Variants in SYNE2 observed in about 807,000 individuals in gnomAD.
SYNE2 encodes spectrin repeat containing nuclear envelope protein 2.
In SYNE2, 431 loss-of-function variants were observed where a neutral mutation model predicts 856.3. The ratio of observed to expected loss-of-function variants is 0.50; its 90% CI spans 0.47 to 0.55. The LOEUF is 0.55. Ranked by LOEUF, SYNE2 falls within the 20% of genes least tolerant of loss-of-function variation. The pLI, the probability that SYNE2 is intolerant of heterozygous loss-of-function variation, is 0.00. For missense variants in SYNE2, 8,129 were observed against 8,023.2 expected (o/e 1.01, Z -0.50); for synonymous variants, 2,923 against 2,872.3 (o/e 1.02, Z -0.56).
intron 32 of SYNE2, among the ~76,000 whole-genome samples, chr14:64,015,769 G>C (rs1436208232): frequency 6.6e-6 from 1 of 151,714 alleles, no homozygotes; most frequent in African/African-American, 2.4e-5. Flanking sequence ...TTCTTGAAGT[G>C]GTCATTTAGA....
chr14:64,033,522 A>G (rs1216200822), intron 45 of SYNE2, among the ~76,000 whole-genome samples: 2 of 151,712 alleles, frequency 1.3e-5, no homozygotes, highest in Admixed American at 1.3e-4. Flanking sequence ...CTACAAAAAA[A>G]AAAAAATACA....
At position 64,002,948 on chromosome 14, in the gene SYNE2, G is replaced by A. The variant is rs779453887; in HGVS notation, c.4015G>A (p.Ala1339Thr). The A allele has an allele frequency of 1.2e-6, 2 of 1,614,194 alleles. No individual in the cohort carries two copies. Among genetic ancestry groups the A allele is most frequent in the Non-Finnish European group, 1.7e-6 (2 of 1,180,036 alleles). The change falls in exon 30 of 116, where the codon GCT becomes ACT. Residue 1339 changes from alanine (A) to threonine (T), a missense_variant. Physicochemically the swap from Ala to Thr is moderately conservative, Grantham distance 58. Coordinates refer to ENST00000555002, the MANE Select transcript of SYNE2 (RefSeq NM_182914.3). ...GTCTCTCAGAACAGCTAAACTCTCT[G>A]CTGAGCCCGTTACAGACCTTTCAGC... Reference protein sequence around the residue: ...LASLRTAKLSAEPVTDLSASD... With the variant: ...LASLRTAKLSTEPVTDLSASD...
intron 1 of SYNE2, among the ~76,000 whole-genome samples, chr14:63,838,512 T>G (rs183885843): frequency 6.6e-6 from 1 of 152,266 alleles, no homozygotes; most frequent in African/African-American, 2.4e-5. Context: ...ACATTATTTA[T>G]GTATTTACTG....
chr14:64,138,958 T>TATG (rs1567428927), intron 79 of SYNE2, among the ~76,000 whole-genome samples: 5 of 118,446 alleles, frequency 4.2e-5, no homozygotes, highest in East Asian at 4.5e-4. Flanking sequence ...TGTGTGTGTG[T>TATG]GTGTGTGTGT....
chr14:64,103,501 G>A (rs1019097233), intron 64 of SYNE2, among the ~76,000 whole-genome samples: 3 of 152,044 alleles, frequency 2.0e-5, no homozygotes, highest in African/African-American at 7.3e-5. Context: ...TGAAAACTAC[G>A]TGCTTCCTTT....
In SYNE2 at chr14:64,167,361, C is replaced by T; in HGVS notation, c.16734C>T (p.Ala5578=). Residue 5578 remains alanine, a synonymous_variant, in exon 91 of 116, where the codon GCC becomes GCT. Transcript: ENST00000555002. ...LQNMNRQWIR[A]TATALERCSE... is the part of the protein sequence containing the mutation. ...ATATGAACCGGCAATGGATTCGGGCCACGGCCACGGCACTGGAGCGCTGCA... is the reference window on the plus strand; with the variant it reads ...ATATGAACCGGCAATGGATTCGGGCTACGGCCACGGCACTGGAGCGCTGCA... The T allele has an allele frequency of 1.9e-6, 3 of 1,614,188 alleles. No homozygotes were observed. Among genetic ancestry groups the T allele is most frequent in the African/African-American group, 1.3e-5 (1 of 75,058 alleles).
At chr14:64,054,858 T>C (rs1367482447) in intron 48 of SYNE2, among the ~76,000 whole-genome samples, 1 of 152,242 alleles carries the variant, frequency 6.6e-6, no homozygotes, top group Non-Finnish European at 1.5e-5. Flanking sequence ...CAAAGAGTTA[T>C]TATGAGATAC....
rs772092387 is a variant in SYNE2 at position 64,214,412 on chromosome 14, G to A, written c.19275G>A (p.Val6425=). The A allele has an allele frequency of 1.2e-6, 2 of 1,614,064 alleles. No individual in the cohort carries two copies. The highest frequency in any genetic ancestry group is 1.7e-6 in the Non-Finnish European group (2 of 1,180,008). The change falls in exon 106 of 116, where the codon GTG becomes GTA. Residue 6425 remains valine, a synonymous_variant. Coordinates refer to ENST00000555002, the MANE Select transcript of SYNE2 (RefSeq NM_182914.3). ...TGGAGTGGGACCACACAGGCGACGTGGGGGGCTCCTCCTCTCACGAAGAGG... is the reference window on the plus strand; with the variant it reads ...TGGAGTGGGACCACACAGGCGACGTAGGGGGCTCCTCCTCTCACGAAGAGG... ...IPLEWDHTGD[V]GGSSSHEEDE...
In SYNE2 at chr14:64,146,058, A is replaced by G; in HGVS notation, c.15484-10A>G. ...TTTTAACATTTTTTGTAATCTTTACATTCACTTAGATACAACATTTAGAAC... is the reference window on the plus strand; with the variant it reads ...TTTTAACATTTTTTGTAATCTTTACGTTCACTTAGATACAACATTTAGAAC... On this transcript the variant is annotated splice_polypyrimidine_tract_variant and intron_variant, in intron 83 of 115. Coordinates refer to ENST00000555002, the MANE Select transcript of SYNE2 (RefSeq NM_182914.3). 6.5e-7 allele frequency: 1 copy of G among 1,535,810 alleles called. No homozygotes were observed. The highest frequency in any genetic ancestry group is 1.2e-5 in the South Asian group (1 of 82,140).
Position 64,170,346 on chromosome 14 carries a change from A to C in SYNE2, c.17119A>C (p.Thr5707Pro). 6.2e-7 allele frequency: 1 copy of C among 1,614,116 alleles called. No individual in the cohort carries two copies. The highest frequency in any genetic ancestry group is 8.5e-7 in the Non-Finnish European group (1 of 1,180,018). ...GGTGAGGCAGTGGCAAGATTTCACT[A>C]CTTCTGTGGAGAACTTGTTTCGCTT... The part of the protein sequence containing the change: ...GLVRQWQDFT[T>P]SVENLFRFLT... Residue 5707 changes from threonine to proline, a missense_variant, in exon 94 of 116, where the codon ACT becomes CCT. By Grantham distance (38) the Thr-to-Pro change is conservative. Around this residue, in one of 3 missense-constraint regions of SYNE2, gnomAD observed 5,410 missense variants for 5,284.8 expected, o/e 1.02. Transcript: ENST00000555002.
At chr14:64,000,509 A>G (rs2096745710) in intron 27 of SYNE2, 53 bp from the exon 28 acceptor site, 2 of 1,489,636 alleles carry the variant, frequency 1.3e-6, no homozygotes, top group Non-Finnish European at 1.9e-6. Flanking sequence ...GAACAGAATA[A>G]TTGTGTCTAT....
At chr14:63,979,984 TAAA>T (rs910577641) in intron 14 of SYNE2, among the ~76,000 whole-genome samples, 2 of 152,178 alleles carry the variant, frequency 1.3e-5, no homozygotes, top group African/African-American at 2.4e-5. Flanking sequence ...AAAAAAATGA[TAAA>T]GAGAAATTTA....
intron 9 of SYNE2, among the ~76,000 whole-genome samples, chr14:63,962,829 G>A (rs1010348926): frequency 6.6e-6 from 1 of 152,184 alleles, no homozygotes; most frequent in Admixed American, 6.5e-5. Flanking sequence ...GCGAGCCACT[G>A]TGCCCAGCCT....
intron 46 of SYNE2, chr14:64,049,303 T>C (rs980500309): frequency 6.4e-6 from 1 of 156,038 alleles, no homozygotes; most frequent in African/African-American, 2.4e-5. Flanking sequence ...TAAAAAAAAT[T>C]ATCTGGGTGT....
intron 87 of SYNE2, 27 bp downstream of exon 87, chr14:64,159,469 A>C: frequency 6.2e-7 from 1 of 1,610,656 alleles, no homozygotes; most frequent in Non-Finnish European, 8.5e-7. Context: ...AATTTGAATG[A>C]TAGATATCTT....
chr14:63,909,180 A>T lies in SYNE2; in HGVS notation c.32A>T (p.Asp11Val), dbSNP rs901997575. The stretch of plus-strand genomic sequence containing the variant: ...TCTAGTCCTGAGCTTCCCACCGAAG[A>T]TGAACAGGGTTCCTGGGGCATCGAC... MASSPELPTE[D>V]EQGSWGIDDL... Residue 11 changes from aspartate to valine, a missense_variant, in exon 2 of 116, where the codon GAT (aspartate) becomes GTT (valine). Transcript: ENST00000555002. 5.0e-6 allele frequency: 8 copies of T among 1,613,448 alleles called. 1 individual carries two copies. The South Asian group carries it at 8.8e-5, about 18-fold the overall frequency.
At chr14:63,957,117 CTTT>C (rs534383053) in intron 8 of SYNE2, among the ~76,000 whole-genome samples, 2 of 143,788 alleles carry the variant, frequency 1.4e-5, no homozygotes, top group African/African-American at 2.5e-5. Context: ...TACTTCATTC[CTTT>C]TTTTTTTTTT....
intron 95 of SYNE2, among the ~76,000 whole-genome samples, chr14:64,176,350 T>G (rs995174102): frequency 6.6e-6 from 1 of 152,242 alleles, no homozygotes; most frequent in Non-Finnish European, 1.5e-5. Context: ...GTTTTCCCAT[T>G]TTAAATATGA....
At chr14:64,039,476 T>C (rs2097130601) in intron 45 of SYNE2, among the ~76,000 whole-genome samples, 2 of 152,196 alleles carry the variant, frequency 1.3e-5, no homozygotes, top group African/African-American at 2.4e-5. Flanking sequence ...GTCCTGCCCT[T>C]AGGAGGAGTT....
Sources: allele counts gnomAD v4.1 joint callset (sites outside exome capture counted in the v4.1 genomes callset), GRCh38; gene constraint gnomAD v4.1.1; regional missense constraint gnomAD v4.1.1; transcripts MANE v1.5; gene names NCBI Gene and HGNC (gene_info 2026-07-23, HGNC 2026-07-21).